The following PPARGC1A variants were observed in gnomAD, a reference collection of about 807,000 sequenced individuals.
PPARGC1A encodes the protein PPARG coactivator 1 alpha.
Under a neutral mutation model 88.7 loss-of-function variants are expected in PPARGC1A, and 25 were observed. The ratio of observed to expected loss-of-function variants is 0.28; its 90% CI spans 0.21 to 0.39. PPARGC1A has a LOEUF of 0.39. PPARGC1A is among the 10% of genes least tolerant of loss of function. The pLI, the probability that PPARGC1A is intolerant of heterozygous loss-of-function variation, is 1.00. For missense variants in PPARGC1A, 880 were observed against 968.7 expected, an observed-to-expected ratio of 0.91 and a Z score of 1.22; for synonymous variants, 363 against 355.6, an observed-to-expected ratio of 1.02 and a Z score of -0.24.
At chr4:24,318,029 A>G in the PPARGC1A span, among the ~76,000 whole-genome samples, 1 of 152,210 alleles carries the variant, frequency 6.6e-6, no homozygotes, top group Non-Finnish European at 1.5e-5. Context: ...AACTGAGAGG[A>G]ACCAAAGCCC....
At chr4:23,944,855 C>T in the PPARGC1A span, among the ~76,000 whole-genome samples, 12 of 152,188 alleles carry the variant, frequency 7.9e-5, no homozygotes, top group South Asian at 2.1e-4. Context: ...CCAGTCATGC[C>T]GAACTGTGAG....
chr4:24,031,642 G>A, the PPARGC1A span, among the ~76,000 whole-genome samples: 1 of 152,094 alleles, frequency 6.6e-6, no homozygotes, highest in Admixed American at 6.5e-5. Context: ...CCTACACATT[G>A]TTCGATGTTT....
the PPARGC1A span, among the ~76,000 whole-genome samples, chr4:24,140,670 T>G: frequency 6.6e-6 from 1 of 152,132 alleles, no homozygotes; most frequent in South Asian, 2.1e-4. Context: ...CAAAGAAAGG[T>G]GAATCTCTTT....
At chr4:24,120,550 A>G in the PPARGC1A span, among the ~76,000 whole-genome samples, 1 of 152,188 alleles carries the variant, frequency 6.6e-6, no homozygotes, top group African/African-American at 2.4e-5. Flanking sequence ...GAGAGTAAGT[A>G]ACTTGCAATA....
the PPARGC1A span, among the ~76,000 whole-genome samples, chr4:24,161,915 C>T: frequency 6.8e-6 from 1 of 147,384 alleles, no homozygotes; most frequent in Non-Finnish European, 1.5e-5. Flanking sequence ...AAATACGGAA[C>T]CAGCCCAAAT....
intron 2 of PPARGC1A, among the ~76,000 whole-genome samples, chr4:23,835,810 C>G (rs998352096): frequency 1.3e-5 from 2 of 152,130 alleles, no homozygotes; most frequent in Non-Finnish European, 2.9e-5. Context: ...TATTGCCCCT[C>G]ACTGTGGCAA....
chr4:24,024,748 T>C, the PPARGC1A span, among the ~76,000 whole-genome samples: 1 of 152,184 alleles, frequency 6.6e-6, no homozygotes, highest in Non-Finnish European at 1.5e-5. Flanking sequence ...GTCATCCCCA[T>C]ATAAGTGCGT....
chr4:24,313,049 G>A, the PPARGC1A span, among the ~76,000 whole-genome samples: 3 of 152,198 alleles, frequency 2.0e-5, no homozygotes, highest in Non-Finnish European at 2.9e-5. Flanking sequence ...GATGTAAAGT[G>A]TAGATTAGAA....
At chr4:24,124,036 T>C in the PPARGC1A span, among the ~76,000 whole-genome samples, 1 of 151,956 alleles carries the variant, frequency 6.6e-6, no homozygotes, top group African/African-American at 2.4e-5. Flanking sequence ...GGAGAACCTA[T>C]TGGAGGGTTA....
chr4:23,946,335 G>T, the PPARGC1A span, among the ~76,000 whole-genome samples: 3 of 152,258 alleles, frequency 2.0e-5, no homozygotes, highest in East Asian at 5.8e-4. Flanking sequence ...TAGAGAGAGA[G>T]CCTCAAATGA....
the PPARGC1A span, among the ~76,000 whole-genome samples, chr4:24,384,004 C>T: frequency 6.6e-6 from 1 of 152,112 alleles, no homozygotes; most frequent in Non-Finnish European, 1.5e-5. Context: ...CAAATAGAAG[C>T]CCATCAGACT....
chr4:24,353,428 T>C, the PPARGC1A span, among the ~76,000 whole-genome samples: 1 of 151,602 alleles, frequency 6.6e-6, no homozygotes, highest in Non-Finnish European at 1.5e-5. Flanking sequence ...TCCATCTTCA[T>C]CAATGTTTTA....
At chr4:24,465,619 G>T in the PPARGC1A span, among the ~76,000 whole-genome samples, 1 of 152,106 alleles carries the variant, frequency 6.6e-6, no homozygotes, top group Non-Finnish European at 1.5e-5. Context: ...TTACATTTCC[G>T]CTAGGGCTAC....
the PPARGC1A span, among the ~76,000 whole-genome samples, chr4:24,466,960 GAA>G: frequency 9.2e-6 from 1 of 109,210 alleles, no homozygotes; most frequent in African/African-American, 3.6e-5. Flanking sequence ...AAAAAAGAAA[GAA>G]AGAAAGAAAG....
chr4:24,406,742 G>A, the PPARGC1A span, among the ~76,000 whole-genome samples: 6 of 152,220 alleles, frequency 3.9e-5, no homozygotes, highest in Non-Finnish European at 8.8e-5. Context: ...AGCTCCAGCA[G>A]TGTGGGCATA....
At chr4:24,464,997 G>C in the PPARGC1A span, among the ~76,000 whole-genome samples, 5 of 152,194 alleles carry the variant, frequency 3.3e-5, no homozygotes, top group African/African-American at 1.2e-4. Context: ...GGGGTCAGTA[G>C]CTACGATTAC....
intron 12 of PPARGC1A, among the ~76,000 whole-genome samples, chr4:23,800,471 G>T (rs1718461721): frequency 6.6e-6 from 1 of 151,566 alleles, no homozygotes; most frequent in African/African-American, 2.4e-5. Flanking sequence ...AAATATAATG[G>T]TACTATTCAC....
the PPARGC1A span, among the ~76,000 whole-genome samples, chr4:24,042,205 T>C: frequency 6.6e-6 from 1 of 152,192 alleles, no homozygotes; most frequent in Non-Finnish European, 1.5e-5. Context: ...CCATGCCTGA[T>C]CTCCAAGGAT....
the PPARGC1A span, among the ~76,000 whole-genome samples, chr4:24,349,738 G>A: frequency 1.1e-4 from 17 of 152,282 alleles, no homozygotes; most frequent in East Asian, 5.8e-4. Context: ...TCCCAACTGC[G>A]AGAGAAAAGG....
Sources: gnomAD v4.1 joint callset for allele counts (sites outside exome capture counted in the v4.1 genomes callset) on GRCh38, gnomAD v4.1.1 for gene constraint, MANE v1.5 for transcripts, NCBI Gene and HGNC (gene_info 2026-07-23, HGNC 2026-07-21) for gene names.